Variants in PGLYRP2 observed in about 807,000 individuals in gnomAD.
PGLYRP2 encodes peptidoglycan recognition protein 2, also known as N-acetylmuramoyl-L-alanine amidase.
A neutral mutation model predicts 46.2 loss-of-function variants in PGLYRP2; 38 were observed. The observed-to-expected ratio is 0.82, with a 90% CI of 0.64 to 1.08. The LOEUF (loss-of-function observed/expected upper bound fraction) is 1.08. Ranked by LOEUF, PGLYRP2 falls within the 50% of genes least tolerant of loss-of-function variation. PGLYRP2 has a pLI of 0.00. For synonymous variants in PGLYRP2, 289 were observed against 329.4 expected (o/e 0.88, Z 1.33); for missense variants, 713 against 755.9 (o/e 0.94, Z 0.67).
In PGLYRP2 at chr19:15,469,461, G is replaced by T; in HGVS notation, c.1641+171C>A. 1 of 932,854 alleles carries T rather than the reference G, an allele frequency of 1.1e-6. No individual in the cohort carries two copies. Among genetic ancestry groups the T allele is most frequent in the Non-Finnish European group, 1.7e-6 (1 of 594,472 alleles). 57.8% of individuals were successfully genotyped at this position (932,854 alleles called of 1,614,324 possible). ...CAGGATCAGGGATGTTGCCCGCAGA[G>T]TGACCCGCAAAGGCTGGGCCTAGGT... is the stretch of plus-strand genomic sequence containing the variant. On this transcript the variant is annotated intron_variant, in intron 4 of 4. Coordinates refer to ENST00000340880, the MANE Select transcript of PGLYRP2 (RefSeq NM_052890.4). This position sits in a 1 kb window ranked among gnomAD's most constrained non-coding sequence, Gnocchi z 4.9.
At chr19:15,475,363 C>T (rs1357677399) in intron 2 of PGLYRP2, among the ~76,000 whole-genome samples, 175 bp downstream of exon 2, 2 of 152,142 alleles carry the variant, frequency 1.3e-5, no homozygotes, top group Admixed American at 1.3e-4. Context: ...TCCTATTCAT[C>T]CTTCAAGGCC....
At chr19:15,470,756 C>G (rs942493963) in intron 3 of PGLYRP2, among the ~76,000 whole-genome samples, 9 of 151,566 alleles carry the variant, frequency 5.9e-5, no homozygotes, top group African/African-American at 1.9e-4. Flanking sequence ...GTGATTCTCC[C>G]GTCTCAGCCT....
chr19:15,469,732 C>A lies in PGLYRP2; in HGVS notation c.1541G>T (p.Arg514Leu). 3 of 1,487,824 alleles carry A rather than the reference C, an allele frequency of 2.0e-6. No homozygotes were observed. The South Asian group carries it at 4.0e-5, about 20-fold the overall frequency. 92.2% of individuals were successfully genotyped at this position (1,487,824 alleles called of 1,614,324 possible). ...GTGGCCCAGCAGCGCGTAGTCTGGCCGCAGGAGGCCGGCGCGCACCGCACA... is the reference window on the plus strand; with the variant it reads ...GTGGCCCAGCAGCGCGTAGTCTGGCAGCAGGAGGCCGGCGCGCACCGCACA... ...PSCAVRAGLL[R>L]PDYALLGHRQ... Residue 514 changes from arginine (R) to leucine (L), a missense_variant, in exon 4 of 5, where the codon CGG becomes CTG. By Grantham distance (102) the Arg-to-Leu change is moderately radical. Coordinates refer to ENST00000340880, the MANE Select transcript of PGLYRP2 (RefSeq NM_052890.4). The surrounding 1 kb of genome is among the most constrained non-coding windows in gnomAD (Gnocchi z 4.9).
chr19:15,477,299 G>A (rs1362727615), intron 1 of PGLYRP2, among the ~76,000 whole-genome samples: 6 of 151,242 alleles, frequency 4.0e-5, no homozygotes, highest in East Asian at 1.9e-4. Flanking sequence ...AGGCTGAGAC[G>A]GGAGAATCAC....
Position 15,471,908 on chromosome 19 carries a change from C to G in PGLYRP2, c.1325G>C (p.Trp442Ser), listed in dbSNP as rs1192554888. The G allele has an allele frequency of 2.5e-6, 4 of 1,613,916 alleles. No individual in the cohort carries two copies. In the African/African-American group the frequency reaches 4.0e-5, roughly 16 times the overall value. ...MQRYHQDTQGWGDIGYSFVVG... is the reference protein window; with the variant it reads ...MQRYHQDTQGSGDIGYSFVVG... Reference sequence around the variant, plus strand: ...CTCCTACCTGTAGCCGATGTCTCCCCAGCCTTGCGTGTCCTGGTGGTAGCG... The same window carrying G: ...CTCCTACCTGTAGCCGATGTCTCCCGAGCCTTGCGTGTCCTGGTGGTAGCG... Residue 442 changes from tryptophan (W) to serine (S), a missense_variant, in exon 3 of 5, where the codon TGG (tryptophan) becomes TCG (serine). Physicochemically the swap from Trp to Ser is radical, Grantham distance 177. Coordinates refer to ENST00000340880, the MANE Select transcript of PGLYRP2 (RefSeq NM_052890.4).
intron 1 of PGLYRP2, 109 bp from the exon 2 acceptor site, chr19:15,476,717 C>T (rs1599767604): frequency 1.1e-5 from 10 of 884,376 alleles, no homozygotes; most frequent in Non-Finnish European, 1.7e-5. Flanking sequence ...AACCCCATGA[C>T]CCCCAACACT....
At chr19:15,468,840 G>T in intron 4 of PGLYRP2, 88 bp from the exon 5 acceptor site, 1 of 1,033,276 alleles carries the variant, frequency 9.7e-7, no homozygotes, top group South Asian at 1.5e-5. Context: ...CCTGGATCAG[G>T]GAGGGGACAG....
chr19:15,475,912 G>C lies in PGLYRP2; in HGVS notation c.758C>G (p.Ser253Cys). 1 of 1,614,180 alleles carries C rather than the reference G, an allele frequency of 6.2e-7. No individual in the cohort carries two copies. The highest frequency in any genetic ancestry group is 1.1e-5 in the South Asian group (1 of 91,086). ...CAAAAGCGTAAAGGTCCGAGGGGCAGAGAGCTGGTCCCAGCAGCCCTCAGT... is the reference window on the plus strand; with the variant it reads ...CAAAAGCGTAAAGGTCCGAGGGGCACAGAGCTGGTCCCAGCAGCCCTCAGT... The part of the protein sequence containing the change: ...LGTEGCWDQL[S>C]APRTFTLLDP... Residue 253 changes from serine (S) to cysteine (C), a missense_variant, in exon 2 of 5, where the codon TCT becomes TGT. Coordinates refer to ENST00000340880, the MANE Select transcript of PGLYRP2 (RefSeq NM_052890.4).
chr19:15,475,867 AAC>A lies in PGLYRP2; in HGVS notation c.801_802del (p.Leu268AsnfsTer23), dbSNP rs1446967870. 2.5e-6 allele frequency: 4 copies of A among 1,613,968 alleles called. No individual in the cohort carries two copies. In the African/African-American group the frequency reaches 5.3e-5, roughly 22 times the overall value. ...GGCGCCATTGAGGAAGGCCATGGTTAACAGAGATGCCTTGGGGTCCAAAAGCG... is the reference window on the plus strand; with the variant it reads ...GGCGCCATTGAGGAAGGCCATGGTTAAGAGATGCCTTGGGGTCCAAAAGCG... On this transcript the variant is annotated frameshift_variant, in exon 2 of 5. Coordinates refer to ENST00000340880, the MANE Select transcript of PGLYRP2 (RefSeq NM_052890.4). LOFTEE classifies it high-confidence loss of function.
chr19:15,476,921 G>A (rs1030705202), intron 1 of PGLYRP2, among the ~76,000 whole-genome samples: 5 of 152,156 alleles, frequency 3.3e-5, no homozygotes, highest in African/African-American at 1.2e-4. Context: ...TTTTTGGGGT[G>A]CCAGGATAGA....
Position 15,475,808 on chromosome 19 carries a change from G to C in PGLYRP2, c.862C>G (p.Arg288Gly). 3 of 1,614,054 alleles carry C rather than the reference G, an allele frequency of 1.9e-6. No homozygotes were observed. Among genetic ancestry groups the C allele is most frequent in the Non-Finnish European group, 2.5e-6 (3 of 1,180,020 alleles). ...AGGGATGGCCGGGGCTCAGGAGTCCGGCTCAGGTAGTCTCCAAGGATGACC... is the reference window on the plus strand; with the variant it reads ...AGGGATGGCCGGGGCTCAGGAGTCCCGCTCAGGTAGTCTCCAAGGATGACC... Reference protein sequence around the residue: ...DGVILGDYLSRTPEPRPSLSH... With the variant: ...DGVILGDYLSGTPEPRPSLSH... Residue 288 changes from arginine (R) to glycine (G), a missense_variant, in exon 2 of 5, where the codon CGG becomes GGG. Transcript: ENST00000340880.
Position 15,478,365 on chromosome 19 carries a change from C to T in PGLYRP2, c.61+946G>A, listed in dbSNP as rs562422714. Among the ~76,000 whole-genome samples the T allele has an allele frequency of 2.0e-5, 3 of 152,226 alleles. No individual in the cohort carries two copies. The East Asian group carries it at 5.8e-4, about 29-fold the overall frequency. ...CTGTCTAAAAAACAAAAAAAAAGAA[C>T]AGACATTTATTTCTCATAGTTCTAG... On this transcript the variant is annotated intron_variant, in intron 1 of 4. Coordinates refer to ENST00000340880, the MANE Select transcript of PGLYRP2 (RefSeq NM_052890.4).
chr19:15,470,674 C>T (rs1304323370), intron 3 of PGLYRP2, among the ~76,000 whole-genome samples: 2 of 151,242 alleles, frequency 1.3e-5, no homozygotes, highest in Non-Finnish European at 2.9e-5. Flanking sequence ...GACGGAGTTT[C>T]GCTCTTGTAG....
In PGLYRP2 at chr19:15,469,047, T is replaced by C; in HGVS notation, c.1642-295A>G. 2.0e-6 allele frequency: 1 copy of C among 511,648 alleles called. No individual in the cohort carries two copies. The highest frequency in any genetic ancestry group is 3.5e-6 in the Non-Finnish European group (1 of 287,092). The allele number at this position is 511,648 out of a possible 1,614,324, so 31.7% of individuals were successfully genotyped here. The stretch of plus-strand genomic sequence containing the variant: ...CAAAGTTGTGCTGGCATAAGAGTTG[T>C]CATCAGGGGTTAAGGAGTCAGGGAC... On this transcript the variant is annotated intron_variant, in intron 4 of 4. Transcript: ENST00000340880. This position sits in a 1 kb window ranked among gnomAD's most constrained non-coding sequence, Gnocchi z 4.9.
chr19:15,471,742 C>G, intron 3 of PGLYRP2, 148 bp downstream of exon 3: 1 of 898,834 alleles, frequency 1.1e-6, no homozygotes, highest in South Asian at 1.8e-5. Flanking sequence ...CACGCCACCT[C>G]TCCAACTTTG....
Position 15,469,273 on chromosome 19 carries a change from G to C in PGLYRP2, c.1641+359C>G, listed in dbSNP as rs11668144. On this transcript the variant is annotated intron_variant, in intron 4 of 4. Transcript: ENST00000340880. The surrounding 1 kb of genome is among the most constrained non-coding windows in gnomAD (Gnocchi z 4.9). ...GTGCAGCCTGACAGGTTGTGACTTG[G>C]GTAGAGAAGTCATGAAGGCCAGGCT... is the stretch of plus-strand genomic sequence containing the variant. 20,182 of 608,442 alleles carry C rather than the reference G, an allele frequency of 0.033. 448 individuals are homozygous for C. Among genetic ancestry groups the C allele is most frequent in the Non-Finnish European group, 0.044 (14,909 of 338,630 alleles). The allele number at this position is 608,442 out of a possible 1,614,324, so 37.7% of individuals were successfully genotyped here. A position where few individuals can be genotyped will look rare whatever the true frequency, so the allele number is the denominator to read the frequency against.
intron 3 of PGLYRP2, among the ~76,000 whole-genome samples, chr19:15,471,136 G>A (rs1970745231): frequency 8.3e-6 from 1 of 120,788 alleles, no homozygotes; most frequent in African/African-American, 3.5e-5. Context: ...TTTTTGAGAC[G>A]GAGTCTCGCT....
chr19:15,476,398 A>T lies in PGLYRP2; in HGVS notation c.272T>A (p.Leu91Ter). ...LDPCPLSPEL[L>*]GLTKEVARHD... ...TCGGGCCACCTCCTTGGTCAGGCCTAACAGCTCTGGGCTTAGTGGGCAGGG... is the reference window on the plus strand; with the variant it reads ...TCGGGCCACCTCCTTGGTCAGGCCTTACAGCTCTGGGCTTAGTGGGCAGGG... Residue 91 changes from leucine to a stop codon, truncating the protein, a stop_gained, in exon 2 of 5, where the codon TTA (leucine) becomes TAA (stop). Transcript: ENST00000340880. LOFTEE classifies it high-confidence loss of function. 1 of 1,614,078 alleles carries T rather than the reference A, an allele frequency of 6.2e-7. No individual in the cohort carries two copies. The highest frequency in any genetic ancestry group is 8.5e-7 in the Non-Finnish European group (1 of 1,179,976).
Position 15,476,450 on chromosome 19 carries a change from A to G in PGLYRP2, c.220T>C (p.Trp74Arg), listed in dbSNP as rs1429729849. The change falls in exon 2 of 5, where the codon TGG (tryptophan) becomes CGG (arginine). Residue 74 changes from tryptophan (W) to arginine (R), a missense_variant. Coordinates refer to ENST00000340880, the MANE Select transcript of PGLYRP2 (RefSeq NM_052890.4). ...NRLYHFLLGA[W>R]SLNATELDPC... ...TCCAACTCTGTAGCATTGAGGCTCC[A>G]TGCCCCCAGCAGGAAGTGGTAGAGG... The G allele has an allele frequency of 1.9e-6, 3 of 1,614,008 alleles. No individual in the cohort carries two copies. The highest frequency in any genetic ancestry group is 2.2e-5 in the East Asian group (1 of 44,878).
Sources: gnomAD v4.1 joint callset for allele counts (sites outside exome capture counted in the v4.1 genomes callset) on GRCh38, gnomAD v4.1.1 for gene constraint, Gnocchi (gnomAD v3.1) non-coding constraint, MANE v1.5 for transcripts, NCBI Gene and HGNC (gene_info 2026-07-23, HGNC 2026-07-21) for gene names.